SGCD: variants seen among roughly 807,000 people sequenced by gnomAD.
The protein encoded by SGCD is sarcoglycan delta.
SGCD carries 18 observed loss-of-function variants against 36.6 expected under a neutral mutation model. The observed-to-expected ratio is 0.49, with a 90% confidence interval of 0.34 to 0.73. SGCD has a LOEUF of 0.73. SGCD is among the 30% of genes least tolerant of loss of function. SGCD has a pLI of 0.01. For synonymous variants in SGCD, 133 were observed against 130.6 expected, an observed-to-expected ratio of 1.02 and a Z score of -0.12; for missense variants, 387 against 346.7, an observed-to-expected ratio of 1.12 and a Z score of -0.92.
intron 1 of SGCD, among the ~76,000 whole-genome samples, chr5:156,049,947 A>T (rs1421500146): frequency 1.4e-5 from 2 of 146,690 alleles, no homozygotes; most frequent in Admixed American, 6.8e-5. Flanking sequence ...ATGGATGAGG[A>T]TTTGCCTCTT....
intron 4 of SGCD, among the ~76,000 whole-genome samples, chr5:156,570,937 G>A (rs1759693443): frequency 6.6e-6 from 1 of 152,008 alleles, no homozygotes; most frequent in Non-Finnish European, 1.5e-5. Context: ...TCTTTTATAA[G>A]TAGTATTTAC....
At chr5:156,133,914 AACACACACAC>A (rs70981997) in intron 3 of SGCD, among the ~76,000 whole-genome samples, 24,930 of 140,322 alleles carry the variant, frequency 0.18, 2,356 homozygotes, top group Admixed American at 0.24. Flanking sequence ...GCCGGGTTAA[AACACACACAC>A]ACACACACAC....
At chr5:155,791,487 T>C in the SGCD span, among the ~76,000 whole-genome samples, 2 of 152,154 alleles carry the variant, frequency 1.3e-5, no homozygotes, top group Non-Finnish European at 2.9e-5. Flanking sequence ...TTGCTGATGA[T>C]ATGGTTCTAT....
chr5:156,312,132 T>C (rs1304919199), intron 3 of SGCD, among the ~76,000 whole-genome samples: 1 of 152,172 alleles, frequency 6.6e-6, no homozygotes. Flanking sequence ...GTACCAAAGG[T>C]ACTCATGTAG....
rs1767850871 is a variant in SGCD at position 156,327,202 on chromosome 5, C to T, written c.-74C>T. The T allele has an allele frequency of 6.6e-6, 1 of 152,400 alleles. No homozygotes were observed. Among genetic ancestry groups the T allele is most frequent in the Admixed American group, 6.5e-5 (1 of 15,290 alleles). 9.4% of individuals were successfully genotyped at this position (152,400 alleles called of 1,614,324 possible). The stretch of plus-strand genomic sequence containing the variant: ...ACGCCCTGGGATCGCGGGCGGTTTT[C>T]ATCGGCCGGTTTGTGAAACGGACAA... On this transcript the variant is annotated 5_prime_UTR_variant, in exon 1 of 9. Coordinates refer to ENST00000337851, the MANE Select transcript of SGCD (RefSeq NM_000337.6).
intron 3 of SGCD, among the ~76,000 whole-genome samples, chr5:156,282,832 G>A (rs538299450): frequency 2.4e-4 from 37 of 152,266 alleles, no homozygotes; most frequent in South Asian, 1.9e-3. Context: ...TGTCTACAAT[G>A]TCTGTGATGT....
intron 3 of SGCD, among the ~76,000 whole-genome samples, chr5:156,422,261 C>A (rs1246500868): frequency 6.6e-6 from 1 of 152,000 alleles, no homozygotes; most frequent in Non-Finnish European, 1.5e-5. Flanking sequence ...CTGTTTGCTC[C>A]CCAAATGTGG....
At chr5:155,804,860 C>T in the SGCD span, among the ~76,000 whole-genome samples, 1 of 152,184 alleles carries the variant, frequency 6.6e-6, no homozygotes, top group Non-Finnish European at 1.5e-5. Context: ...AAAACACCAT[C>T]TATGTACCAG....
At chr5:156,464,097 A>C (rs896084059) in intron 3 of SGCD, among the ~76,000 whole-genome samples, 7 of 152,200 alleles carry the variant, frequency 4.6e-5, no homozygotes, top group African/African-American at 1.7e-4. Context: ...AATCCTATGA[A>C]ATAGTCACTA....
rs1036670387 is a variant in SGCD at position 156,662,874 on chromosome 5, T to C, written c.575+15338T>C. Among the ~76,000 whole-genome samples, 7 of 151,394 alleles carry C rather than the reference T, an allele frequency of 4.6e-5. No homozygotes were observed. In the South Asian group the frequency reaches 1.5e-3, roughly 31 times the overall value. ...TGCTAATAAATGTAAAGCCTCCAGT[T>C]TTTGTTTTGGTAGCGGCCACTGATT... On this transcript the variant is annotated intron_variant, in intron 7 of 8. Transcript: ENST00000337851.
chr5:155,837,766 A>G, the SGCD span, among the ~76,000 whole-genome samples: 1 of 152,218 alleles, frequency 6.6e-6, no homozygotes, highest in Non-Finnish European at 1.5e-5. Flanking sequence ...GAAATCAGCA[A>G]AATCACTTTT....
the SGCD span, among the ~76,000 whole-genome samples, chr5:155,763,785 T>C: frequency 6.6e-6 from 1 of 152,088 alleles, no homozygotes; most frequent in Non-Finnish European, 1.5e-5. Flanking sequence ...TCTTTTGGTA[T>C]AAAAAGCAAT....
At chr5:156,553,811 T>G (rs1219905893) in intron 4 of SGCD, among the ~76,000 whole-genome samples, 1 of 152,218 alleles carries the variant, frequency 6.6e-6, no homozygotes, top group Non-Finnish European at 1.5e-5. Context: ...TATGGCTGAA[T>G]TACTATTACG....
At chr5:156,133,307 G>A (rs536309158) in intron 3 of SGCD, among the ~76,000 whole-genome samples, 2 of 152,246 alleles carry the variant, frequency 1.3e-5, no homozygotes, top group South Asian at 4.1e-4. Flanking sequence ...AATACTTTTT[G>A]CTGAATTTTA....
intron 4 of SGCD, among the ~76,000 whole-genome samples, chr5:156,508,910 A>G (rs950401947): frequency 1.1e-4 from 16 of 152,176 alleles, no homozygotes; most frequent in Admixed American, 4.6e-4. Flanking sequence ...GCCTCTTTCC[A>G]TTCCTGCTCA....
At chr5:156,731,978 T>G (rs771909090) in intron 7 of SGCD, among the ~76,000 whole-genome samples, 1 of 152,180 alleles carries the variant, frequency 6.6e-6, no homozygotes, top group Non-Finnish European at 1.5e-5. Flanking sequence ...TACATAGGAA[T>G]CCTAGTGATT....
At chr5:156,026,692 C>T (rs1759232254) in intron 1 of SGCD, among the ~76,000 whole-genome samples, 1 of 152,146 alleles carries the variant, frequency 6.6e-6, no homozygotes. Context: ...GTTACTTTGT[C>T]CTCCCTAGTG....
chr5:156,283,340 C>A (rs566558041), intron 3 of SGCD, among the ~76,000 whole-genome samples: 1 of 152,120 alleles, frequency 6.6e-6, no homozygotes, highest in South Asian at 2.1e-4. Context: ...GGTGTAACTC[C>A]GTTATGCACA....
intron 1 of SGCD, among the ~76,000 whole-genome samples, chr5:156,079,817 TC>T (rs1363648066): frequency 6.6e-6 from 1 of 152,200 alleles, no homozygotes; most frequent in African/African-American, 2.4e-5. Context: ...CTGCAGCTTT[TC>T]CAGGCACAAG....
Sources: allele counts gnomAD v4.1 joint callset (sites outside exome capture counted in the v4.1 genomes callset), GRCh38; gene constraint gnomAD v4.1.1; transcripts MANE v1.5; gene names NCBI Gene and HGNC (gene_info 2026-07-23, HGNC 2026-07-21).